Variants in CCDC7 observed in about 807,000 individuals in gnomAD.
The protein encoded by CCDC7 is coiled-coil domain containing 7.
A neutral mutation model predicts 196.9 loss-of-function variants in CCDC7; 183 were observed. The observed-to-expected ratio is 0.93, with a 90% CI of 0.82 to 1.05. The LOEUF (loss-of-function observed/expected upper bound fraction) is 1.05. Among genes scored for constraint, CCDC7 ranks in the 50% least tolerant of loss-of-function variants. The pLI is 0.00. For synonymous variants in CCDC7, 525 were observed against 484.6 expected (o/e 1.08, Z -1.10); for missense variants, 1,540 against 1,482.2 (o/e 1.04, Z -0.64).
chr10:32,758,441 C>T (rs1444907102), intron 28 of CCDC7, among the ~76,000 whole-genome samples: 1 of 151,994 alleles, frequency 6.6e-6, no homozygotes, highest in Non-Finnish European at 1.5e-5. Flanking sequence ...AAGGCTGGTT[C>T]AATATATAAA....
intron 16 of CCDC7, among the ~76,000 whole-genome samples, chr10:32,579,835 A>G (rs2058576572): frequency 6.6e-6 from 1 of 152,234 alleles, no homozygotes; most frequent in South Asian, 2.1e-4. Context: ...GGCCATTTCA[A>G]CTTAGTAGTT....
At chr10:32,712,971 A>G (rs1342934626) in intron 25 of CCDC7, among the ~76,000 whole-genome samples, 1 of 152,170 alleles carries the variant, frequency 6.6e-6, no homozygotes. Flanking sequence ...TTTTATCCCC[A>G]GAGTGTTAAT....
intron 41 of CCDC7, among the ~76,000 whole-genome samples, chr10:32,869,972 A>T (rs1231907323): frequency 6.6e-6 from 1 of 152,146 alleles, no homozygotes; most frequent in South Asian, 2.1e-4. Flanking sequence ...TTTTGGTACC[A>T]GTACCATGCT....
At chr10:32,808,414 C>T (rs867012052) in intron 30 of CCDC7, among the ~76,000 whole-genome samples, 1 of 152,194 alleles carries the variant, frequency 6.6e-6, no homozygotes, top group Non-Finnish European at 1.5e-5. Context: ...GTGCACTCTT[C>T]CTGGGTCCTG....
At chr10:32,616,462 T>A (rs187024748) in intron 18 of CCDC7, among the ~76,000 whole-genome samples, 26 of 152,000 alleles carry the variant, frequency 1.7e-4, no homozygotes, top group African/African-American at 6.0e-4. Context: ...CTTGACTAAG[T>A]CATTATCAGT....
At chr10:32,834,896 G>C (rs4448627) in exon 33 of CCDC7, 1,369,321 of 1,373,984 alleles carry the variant, frequency 1, 682,465 homozygotes, top group East Asian at 1. Context: ...AAGAGTCATG[G>C]AGGTAAGAAC....
intron 29 of CCDC7, among the ~76,000 whole-genome samples, chr10:32,779,637 C>T (rs529060978): frequency 1.1e-4 from 16 of 152,282 alleles, no homozygotes; most frequent in Non-Finnish European, 1.9e-4. Context: ...TCTGTGGTAG[C>T]TTTTGAATCA....
intron 24 of CCDC7, among the ~76,000 whole-genome samples, chr10:32,706,569 C>A (rs548544129): frequency 1.6e-4 from 24 of 151,312 alleles, no homozygotes; most frequent in Non-Finnish European, 3.1e-4. Context: ...AGATAGATGG[C>A]TAGCAAGACT....
At chr10:32,623,636 C>A in intron 18 of CCDC7, 1 of 455,092 alleles carries the variant, frequency 2.2e-6, no homozygotes, top group Non-Finnish European at 4.4e-6. Context: ...CTGCTTTAGT[C>A]CATCTGTGTT....
At chr10:32,669,723 A>C (rs1269028753) in intron 21 of CCDC7, among the ~76,000 whole-genome samples, 1 of 151,882 alleles carries the variant, frequency 6.6e-6, no homozygotes, top group African/African-American at 2.4e-5. Context: ...ATCAGTTGTG[A>C]CAGTTCTTCT....
intron 20 of CCDC7, among the ~76,000 whole-genome samples, chr10:32,643,938 T>C (rs2067300001): frequency 6.6e-6 from 1 of 151,308 alleles, no homozygotes; most frequent in African/African-American, 2.4e-5. Flanking sequence ...GGTCTTTTAC[T>C]TAAATTTTTA....
At chr10:32,671,855 C>T (rs1344354492) in intron 21 of CCDC7, among the ~76,000 whole-genome samples, 1 of 152,062 alleles carries the variant, frequency 6.6e-6, no homozygotes, top group African/African-American at 2.4e-5. Flanking sequence ...TTGGTGATGA[C>T]AAAGATTTCG....
chr10:32,700,674 T>C (rs952022063), intron 24 of CCDC7, among the ~76,000 whole-genome samples: 2 of 152,224 alleles, frequency 1.3e-5, no homozygotes, highest in Admixed American at 6.5e-5. Context: ...ATATTGATTC[T>C]TCCTATCCAT....
intron 18 of CCDC7, among the ~76,000 whole-genome samples, chr10:32,600,607 C>T (rs547904843): frequency 6.6e-6 from 1 of 152,204 alleles, no homozygotes; most frequent in South Asian, 2.1e-4. Flanking sequence ...TTTTAATAGC[C>T]TAGAGAACCT....
chr10:32,491,839 A>T lies in CCDC7; in HGVS notation c.797-83A>T, dbSNP rs947515345. ...CTCTTTATGTTTGTTTAGCTTTCAC[A>T]TCTATAGCAGTTATATTTAGCATAG... is the stretch of plus-strand genomic sequence containing the variant. On this transcript the variant is annotated intron_variant, in intron 8 of 41. Coordinates refer to ENST00000639629, the Ensembl canonical transcript of CCDC7. 16 of 1,316,620 alleles carry T rather than the reference A, an allele frequency of 1.2e-5. No individual in the cohort carries two copies. The East Asian group carries it at 4.0e-4, about 33-fold the overall frequency. 81.6% of individuals were successfully genotyped at this position (1,316,620 alleles called of 1,614,324 possible). A position where few individuals can be genotyped will look rare whatever the true frequency, so the allele number is the denominator to read the frequency against.
At chr10:32,759,997 C>G (rs1484592574) in intron 28 of CCDC7, among the ~76,000 whole-genome samples, 1 of 152,114 alleles carries the variant, frequency 6.6e-6, no homozygotes, top group Non-Finnish European at 1.5e-5. Flanking sequence ...TGAAAAAATG[C>G]TCATCATCAC....
chr10:32,669,779 G>T (rs2073677012), intron 21 of CCDC7, among the ~76,000 whole-genome samples: 1 of 151,956 alleles, frequency 6.6e-6, no homozygotes, highest in Non-Finnish European at 1.5e-5. Flanking sequence ...TTTCATTAAA[G>T]ATTCATTGAT....
chr10:32,753,855 GT>G (rs2076013066), intron 28 of CCDC7, among the ~76,000 whole-genome samples: 1 of 151,772 alleles, frequency 6.6e-6, no homozygotes, highest in Non-Finnish European at 1.5e-5. Context: ...ACATTTACAT[GT>G]TTTCTTAATT....
intron 21 of CCDC7, among the ~76,000 whole-genome samples, chr10:32,684,757 G>A (rs993883261): frequency 6.6e-6 from 1 of 152,194 alleles, no homozygotes; most frequent in Non-Finnish European, 1.5e-5. Flanking sequence ...GAATTGCTTA[G>A]CACATACTTC....
Sources: gnomAD v4.1 joint callset for allele counts (sites outside exome capture counted in the v4.1 genomes callset) on GRCh38, gnomAD v4.1.1 for gene constraint, MANE v1.5 for transcripts, NCBI Gene and HGNC (gene_info 2026-07-23, HGNC 2026-07-21) for gene names.